WDPCP: variants seen among roughly 807,000 people sequenced by gnomAD.
The protein encoded by WDPCP is WD repeat containing planar cell polarity effector.
In WDPCP, 71 loss-of-function variants were observed where a neutral mutation model predicts 93.1. The ratio of observed to expected loss-of-function variants is 0.76; its 90% CI spans 0.63 to 0.93. The LOEUF (loss-of-function observed/expected upper bound fraction) is 0.93, where lower values mean the gene tolerates loss of function less well. Ranked by LOEUF, WDPCP falls within the 40% of genes least tolerant of loss-of-function variation. WDPCP has a pLI of 0.00. For missense variants in WDPCP, 844 were observed against 887.4 expected (o/e 0.95, Z 0.62); for synonymous variants, 315 against 315.0 (o/e 1.00, Z 0.00).
intron 12 of WDPCP, among the ~76,000 whole-genome samples, chr2:63,358,574 A>T (rs1225765859): frequency 4.6e-5 from 7 of 152,162 alleles, no homozygotes; most frequent in Admixed American, 1.3e-4. Context: ...CTCCCACCTC[A>T]GCCTCATGAG....
chr2:63,548,152 TGTAA>T (rs1293385348), intron 1 of WDPCP, among the ~76,000 whole-genome samples: 2 of 151,726 alleles, frequency 1.3e-5, no homozygotes, highest in African/African-American at 4.8e-5. Flanking sequence ...AAAAAGCAAA[TGTAA>T]GTATTACATA....
At chr2:63,475,860 C>A (rs574377438) in intron 6 of WDPCP, among the ~76,000 whole-genome samples, 3 of 152,078 alleles carry the variant, frequency 2.0e-5, no homozygotes, top group African/African-American at 7.2e-5. Context: ...AGATACTCAT[C>A]TACTCCTTCT....
chr2:63,342,064 G>A (rs1688881927), intron 12 of WDPCP, among the ~76,000 whole-genome samples: 1 of 152,134 alleles, frequency 6.6e-6, no homozygotes, highest in South Asian at 2.1e-4. Context: ...CATTCCACCT[G>A]AGAGCATCAG....
At chr2:63,571,501 T>C (rs1005504525) in intron 1 of WDPCP, 3 of 469,184 alleles carry the variant, frequency 6.4e-6, no homozygotes, top group African/African-American at 4.0e-5. Context: ...CATTTTTGTT[T>C]ATTCGGTGAT....
intron 14 of WDPCP, among the ~76,000 whole-genome samples, chr2:63,187,274 G>A (rs116344585): frequency 0.011 from 1,694 of 152,188 alleles, 19 homozygotes; most frequent in Non-Finnish European, 0.016. Flanking sequence ...GTGCTTCTAT[G>A]CAGCATATCA....
chr2:63,840,015 A>G, the WDPCP span, among the ~76,000 whole-genome samples: 1 of 152,238 alleles, frequency 6.6e-6, no homozygotes, highest in African/African-American at 2.4e-5. Flanking sequence ...TGTTTAGACA[A>G]TGAGTCATTA....
chr2:63,597,345 A>G, intron 3 of WDPCP: 1 of 1,318,806 alleles, frequency 7.6e-7, no homozygotes, highest in Non-Finnish European at 9.8e-7. Context: ...TGAAAAAGAA[A>G]ACTTCAAACT....
intron 9 of WDPCP, among the ~76,000 whole-genome samples, chr2:63,414,490 C>CACAA (rs1350012543): frequency 1.3e-5 from 2 of 151,826 alleles, no homozygotes; most frequent in Admixed American, 1.3e-4. Flanking sequence ...CACACACACA[C>CACAA]ACACACATAT....
chr2:63,307,899 T>C (rs1685866912), intron 13 of WDPCP, among the ~76,000 whole-genome samples: 1 of 151,996 alleles, frequency 6.6e-6, no homozygotes. Context: ...CTAAAGAGCT[T>C]CTCCACAGCA....
At chr2:63,834,338 C>T in the WDPCP span, among the ~76,000 whole-genome samples, 1 of 152,228 alleles carries the variant, frequency 6.6e-6, no homozygotes, top group Non-Finnish European at 1.5e-5. Context: ...TTGCTGACCT[C>T]TTAACATTTT....
At chr2:63,413,983 GA>G (rs35422709) in intron 9 of WDPCP, among the ~76,000 whole-genome samples, 35 of 147,562 alleles carry the variant, frequency 2.4e-4, no homozygotes, top group African/African-American at 4.3e-4. Flanking sequence ...AAATCAATAA[GA>G]AAAAAAAAAT....
At chr2:63,375,571 G>C (rs1010983238) in intron 12 of WDPCP, among the ~76,000 whole-genome samples, 2 of 151,914 alleles carry the variant, frequency 1.3e-5, no homozygotes, top group African/African-American at 4.8e-5. Flanking sequence ...GAATTTTAAA[G>C]TTTAGATTTG....
At chr2:63,773,725 T>G (rs1440849851) in intron 2 of WDPCP, among the ~76,000 whole-genome samples, 1 of 152,094 alleles carries the variant, frequency 6.6e-6, no homozygotes, top group Non-Finnish European at 1.5e-5. Context: ...GCCAAAATAT[T>G]TTTGAGATAA....
At position 63,408,484 on chromosome 2, in the gene WDPCP, T is replaced by C. The variant is rs150505019; in HGVS notation, c.826-3827A>G. Among the ~76,000 whole-genome samples, 293 of 152,112 alleles carry C rather than the reference T, an allele frequency of 1.9e-3. 2 individuals are homozygous for C. The highest frequency in any genetic ancestry group is 6.5e-3 in the African/African-American group (270 of 41,502). ...CCTAACCTGATACCATAGGGATCCATTGAGGGGGTGGCCAGAAGGAAGACG... is the reference window on the plus strand; with the variant it reads ...CCTAACCTGATACCATAGGGATCCACTGAGGGGGTGGCCAGAAGGAAGACG... On this transcript the variant is annotated intron_variant, in intron 9 of 17. Coordinates refer to ENST00000272321, the MANE Select transcript of WDPCP (RefSeq NM_015910.7).
intron 2 of WDPCP, among the ~76,000 whole-genome samples, chr2:63,676,346 G>A (rs1710403390): frequency 6.6e-6 from 1 of 152,192 alleles, no homozygotes; most frequent in Non-Finnish European, 1.5e-5. Flanking sequence ...GCTAGGAAAA[G>A]CCCACAAAGG....
chr2:63,707,177 T>C (rs940345169), intron 2 of WDPCP, among the ~76,000 whole-genome samples: 5 of 152,224 alleles, frequency 3.3e-5, no homozygotes, highest in South Asian at 2.1e-4. Flanking sequence ...TTGGCCTGCC[T>C]TGCTAGATTG....
intron 9 of WDPCP, among the ~76,000 whole-genome samples, chr2:63,410,839 T>C (rs1165144842): frequency 6.6e-6 from 1 of 152,038 alleles, no homozygotes; most frequent in Non-Finnish European, 1.5e-5. Flanking sequence ...AACAGGAAAA[T>C]ATCACAGTCC....
At chr2:63,571,388 C>T in intron 1 of WDPCP, 3 of 462,300 alleles carry the variant, frequency 6.5e-6, no homozygotes, top group Non-Finnish European at 1.3e-5. Flanking sequence ...TTCTGGAGTT[C>T]TCCATTCCTC....
chr2:63,372,819 A>G (rs1575258005), intron 12 of WDPCP, among the ~76,000 whole-genome samples: 1 of 152,246 alleles, frequency 6.6e-6, no homozygotes, highest in Non-Finnish European at 1.5e-5. Flanking sequence ...TTTAAAGACT[A>G]TTTGTATTAC....
Sources: allele counts gnomAD v4.1 joint callset (sites outside exome capture counted in the v4.1 genomes callset), GRCh38; gene constraint gnomAD v4.1.1; transcripts MANE v1.5; gene names NCBI Gene and HGNC (gene_info 2026-07-23, HGNC 2026-07-21).